Variants in MBNL2 observed in about 807,000 individuals in gnomAD.
MBNL2 encodes muscleblind-like protein 2.
MBNL2 carries 17 observed loss-of-function variants against 41.9 expected under a neutral mutation model. That is an observed-to-expected ratio of 0.41 (90% CI 0.28 to 0.61). The LOEUF (loss-of-function observed/expected upper bound fraction) is 0.61, where lower values mean the gene tolerates loss of function less well. Ranked by LOEUF, MBNL2 falls within the 20% of genes least tolerant of loss-of-function variation. MBNL2 has a pLI of 0.35. For synonymous variants in MBNL2, 195 were observed against 182.9 expected (o/e 1.07, Z -0.53); for missense variants, 336 against 505.6 (o/e 0.66, Z 3.22).
chr13:97,282,726 G>A (rs1465106421), intron 2 of MBNL2, among the ~76,000 whole-genome samples: 1 of 152,152 alleles, frequency 6.6e-6, no homozygotes, highest in Non-Finnish European at 1.5e-5. Flanking sequence ...CAGCTGTTCT[G>A]GGTATATCAA....
chr13:97,223,094 C>A (rs1012905021), intron 1 of MBNL2, among the ~76,000 whole-genome samples: 1 of 152,172 alleles, frequency 6.6e-6, no homozygotes, highest in African/African-American at 2.4e-5. Flanking sequence ...GGCAAGTTTT[C>A]GATACTGTAG....
At position 97,222,386 on chromosome 13, in the gene MBNL2, G is replaced by A. The variant is rs1594051379; in HGVS notation, c.-750G>A. The A allele has an allele frequency of 2.0e-5, 8 of 398,630 alleles. No homozygotes were observed. In the East Asian group the frequency reaches 2.8e-4, roughly 14 times the overall value. The allele number at this position is 398,630 out of a possible 1,614,324, so 24.7% of individuals were successfully genotyped here. On this transcript the variant is annotated 5_prime_UTR_variant, in exon 1 of 9. Coordinates refer to ENST00000679496, the MANE Select transcript of MBNL2 (RefSeq NM_001382683.1). Reference sequence around the variant, plus strand: ...TAAAATTTTCCAGATACGGCAGACGGCTTTCAGAGTACAATAAACAGGGAA... The same window carrying A: ...TAAAATTTTCCAGATACGGCAGACGACTTTCAGAGTACAATAAACAGGGAA...
At chr13:97,153,022 C>T in the MBNL2 span, among the ~76,000 whole-genome samples, 1 of 151,930 alleles carries the variant, frequency 6.6e-6, no homozygotes, top group African/African-American at 2.4e-5. Flanking sequence ...CCTAATGTGT[C>T]TATATAAGAA....
At chr13:97,209,907 T>C in the MBNL2 span, among the ~76,000 whole-genome samples, 2 of 152,218 alleles carry the variant, frequency 1.3e-5, no homozygotes, top group Non-Finnish European at 2.9e-5. Context: ...GCAATTCTCA[T>C]GCCGCAGCCT....
chr13:97,144,517 C>T, the MBNL2 span, among the ~76,000 whole-genome samples: 1 of 147,800 alleles, frequency 6.8e-6, no homozygotes, highest in Admixed American at 6.8e-5. Context: ...GCAACCTCTG[C>T]CTCCCGGGTT....
At chr13:97,151,865 T>G in the MBNL2 span, among the ~76,000 whole-genome samples, 7 of 152,120 alleles carry the variant, frequency 4.6e-5, no homozygotes, top group Non-Finnish European at 1.0e-4. Flanking sequence ...ATACTTATAG[T>G]AATGAGTTAC....
chr13:97,152,059 A>G, the MBNL2 span, among the ~76,000 whole-genome samples: 1 of 152,216 alleles, frequency 6.6e-6, no homozygotes, highest in Admixed American at 6.5e-5. Context: ...AGATAAAGAA[A>G]TTTGAAATTA....
At chr13:97,265,150 C>A (rs913494810) in intron 1 of MBNL2, among the ~76,000 whole-genome samples, 3 of 152,264 alleles carry the variant, frequency 2.0e-5, no homozygotes, top group African/African-American at 7.2e-5. Flanking sequence ...GATGTGATTT[C>A]TTTCTCTACC....
At chr13:97,313,903 A>T (rs1449003359) in intron 2 of MBNL2, among the ~76,000 whole-genome samples, 1 of 152,232 alleles carries the variant, frequency 6.6e-6, no homozygotes, top group East Asian at 1.9e-4. Context: ...AGCAGTATTT[A>T]GCAATTGGGA....
intron 2 of MBNL2, among the ~76,000 whole-genome samples, chr13:97,303,400 C>A (rs1329409705): frequency 3.3e-5 from 5 of 152,060 alleles, no homozygotes; most frequent in Non-Finnish European, 5.9e-5. Flanking sequence ...ACAGGACCAG[C>A]AAAATCATGG....
rs1039234497 is a variant in MBNL2 at position 97,305,406 on chromosome 13, C to A, written c.175-28870C>A. On this transcript the variant is annotated intron_variant, in intron 2 of 8. Coordinates refer to ENST00000679496, the MANE Select transcript of MBNL2 (RefSeq NM_001382683.1). ...TCAGAAAACATATCTATCCCCAATACTCAGCCAATATTAGATTGATGTAAT... is the reference window on the plus strand; with the variant it reads ...TCAGAAAACATATCTATCCCCAATAATCAGCCAATATTAGATTGATGTAAT... Among the ~76,000 whole-genome samples the A allele has an allele frequency of 2.6e-5, 4 of 152,194 alleles. 1 individual carries two copies. Among genetic ancestry groups the A allele is most frequent in the African/African-American group, 9.7e-5 (4 of 41,438 alleles).
chr13:97,241,296 T>A (rs1225326809), intron 1 of MBNL2, among the ~76,000 whole-genome samples: 1 of 151,894 alleles, frequency 6.6e-6, no homozygotes, highest in African/African-American at 2.4e-5. Context: ...GAGCTCTGGG[T>A]CATAAGATTT....
intron 1 of MBNL2, among the ~76,000 whole-genome samples, chr13:97,227,051 A>C (rs1194576828): frequency 4.8e-5 from 5 of 105,202 alleles, no homozygotes; most frequent in Admixed American, 2.1e-4. Flanking sequence ...AAAAAAAAAA[A>C]ACAAAAAAAA....
intron 2 of MBNL2, among the ~76,000 whole-genome samples, chr13:97,287,484 A>G (rs1262922082): frequency 1.3e-5 from 2 of 152,176 alleles, no homozygotes; most frequent in East Asian, 3.9e-4. Flanking sequence ...TAGCATATCC[A>G]TCAAACATTT....
the MBNL2 span, among the ~76,000 whole-genome samples, chr13:97,162,445 T>C: frequency 5.3e-5 from 8 of 152,346 alleles, no homozygotes; most frequent in South Asian, 6.2e-4. Flanking sequence ...TAACCTCTCA[T>C]AGGTGGAGAG....
At chr13:97,363,514 G>A (rs1374636133) in intron 7 of MBNL2, among the ~76,000 whole-genome samples, 1 of 151,770 alleles carries the variant, frequency 6.6e-6, no homozygotes, top group Non-Finnish European at 1.5e-5. Context: ...GAAGGGCGGA[G>A]TGCTGAATGC....
intron 2 of MBNL2, among the ~76,000 whole-genome samples, chr13:97,314,519 T>C (rs543302530): frequency 1.3e-5 from 2 of 152,312 alleles, no homozygotes; most frequent in South Asian, 4.2e-4. Context: ...TTGTCTCTAG[T>C]GCTGAGATCA....
rs1015364865 is a variant in MBNL2 at position 97,227,222 on chromosome 13, T to C, written c.-605+4691T>C. On this transcript the variant is annotated intron_variant, in intron 1 of 8. Transcript: ENST00000679496. Reference sequence around the variant, plus strand: ...GAGAGCTGAGAGAGGAGGCTGAGGATGTAGCCATGTTTATAGAACTCTTTT... The same window carrying C: ...GAGAGCTGAGAGAGGAGGCTGAGGACGTAGCCATGTTTATAGAACTCTTTT... Among the ~76,000 whole-genome samples the C allele has an allele frequency of 1.2e-4, 18 of 152,196 alleles. 1 individual carries two copies. The highest frequency in any genetic ancestry group is 3.4e-3 in the Middle Eastern group (1 of 294).
the MBNL2 span, among the ~76,000 whole-genome samples, chr13:97,202,498 C>T: frequency 2.0e-5 from 3 of 152,256 alleles, no homozygotes; most frequent in African/African-American, 7.2e-5. Context: ...CTTAGAATAG[C>T]CCCTAGCACA....
Sources: allele counts gnomAD v4.1 joint callset (sites outside exome capture counted in the v4.1 genomes callset), GRCh38; gene constraint gnomAD v4.1.1; transcripts MANE v1.5; gene names NCBI Gene and HGNC (gene_info 2026-07-23, HGNC 2026-07-21).